Variants in DEPDC1B observed in about 807,000 individuals in gnomAD.
DEPDC1B encodes the protein DEP domain-containing protein 1B.
DEPDC1B carries 51 observed loss-of-function variants against 66.5 expected under a neutral mutation model. The observed-to-expected ratio is 0.77, with a 90% CI of 0.61 to 0.97. The LOEUF is 0.97. Ranked by LOEUF, DEPDC1B falls within the 50% of genes least tolerant of loss-of-function variation. DEPDC1B has a pLI of 0.00. For missense variants in DEPDC1B, 552 were observed against 637.1 expected (o/e 0.87, Z 1.44); for synonymous variants, 226 against 223.6 (o/e 1.01, Z -0.10).
At chr5:60,649,657 A>G (rs1343095530) in intron 2 of DEPDC1B, among the ~76,000 whole-genome samples, 1 of 152,228 alleles carries the variant, frequency 6.6e-6, no homozygotes, top group Non-Finnish European at 1.5e-5. Context: ...CAACTAATTT[A>G]AAAGCCTCAC....
Position 60,613,828 on chromosome 5 carries a change from G to GTGTGTGTGTGTGTGTGTA in DEPDC1B, c.899-7973_899-7972insTACACACACACACACACA, listed in dbSNP as rs3989094. Among the ~76,000 whole-genome samples, 214 of 144,480 alleles carry GTGTGTGTGTGTGTGTGTA rather than the reference G, an allele frequency of 1.5e-3. 2 individuals carry two copies. The highest frequency in any genetic ancestry group is 5.2e-3 in the African/African-American group (197 of 38,156). 94.8% of individuals were successfully genotyped at this position (144,480 alleles called of 152,430 possible). Reference sequence around the variant, plus strand: ...TGTGTGTGTGTGTGTGTGTGTGTGTGTATACATAAAAAACAGATGTAGGGT... The same window carrying GTGTGTGTGTGTGTGTGTA: ...TGTGTGTGTGTGTGTGTGTGTGTGTGTGTGTGTGTGTGTGTGTATATACATAAAAAACAGATGTAGGGT... On this transcript the variant is annotated intron_variant, in intron 7 of 10. Transcript: ENST00000265036.
chr5:60,685,624 C>T (rs1203841934), intron 2 of DEPDC1B, among the ~76,000 whole-genome samples: 2 of 152,064 alleles, frequency 1.3e-5, no homozygotes, highest in Non-Finnish European at 2.9e-5. Flanking sequence ...CCTCCTGGGA[C>T]TCGATGGGAG....
At chr5:60,647,991 A>G (rs1298971885) in intron 2 of DEPDC1B, 2 of 152,994 alleles carry the variant, frequency 1.3e-5, no homozygotes, top group African/African-American at 4.8e-5. Flanking sequence ...GAATTATAAA[A>G]TGTCTATAGT....
At chr5:60,602,071 A>G (rs536536192) in intron 9 of DEPDC1B, among the ~76,000 whole-genome samples, 3 of 150,232 alleles carry the variant, frequency 2.0e-5, no homozygotes, top group Non-Finnish European at 4.4e-5. Flanking sequence ...TGATGGGGGA[A>G]TTTTTTTCTC....
At chr5:60,644,960 T>TA (rs1303009668) in intron 4 of DEPDC1B, 85 bp from the exon 5 acceptor site, 1 of 1,091,448 alleles carries the variant, frequency 9.2e-7, no homozygotes, top group Non-Finnish European at 1.3e-6. Context: ...AATCAATCTT[T>TA]ATAATGCTTT....
intron 2 of DEPDC1B, among the ~76,000 whole-genome samples, chr5:60,682,355 G>A (rs1754314546): frequency 6.6e-6 from 1 of 152,126 alleles, no homozygotes; most frequent in Non-Finnish European, 1.5e-5. Flanking sequence ...TCACACACTG[G>A]GGCCTGTTGT....
chr5:60,636,996 T>C (rs905898789), intron 7 of DEPDC1B, among the ~76,000 whole-genome samples: 1 of 152,210 alleles, frequency 6.6e-6, no homozygotes, highest in South Asian at 2.1e-4. Context: ...TAAATATAAC[T>C]GATACAAATT....
intron 2 of DEPDC1B, among the ~76,000 whole-genome samples, chr5:60,685,832 A>G (rs1188412681): frequency 1.3e-5 from 2 of 152,208 alleles, no homozygotes; most frequent in Non-Finnish European, 2.9e-5. Flanking sequence ...ATTAAGTACT[A>G]AGGTCTCAGA....
intron 7 of DEPDC1B, among the ~76,000 whole-genome samples, chr5:60,626,907 C>T (rs962476710): frequency 6.6e-6 from 1 of 151,978 alleles, no homozygotes; most frequent in Non-Finnish European, 1.5e-5. Flanking sequence ...GTCTTCAGCA[C>T]ATGGGTGATC....
chr5:60,668,609 T>C (rs764811333), intron 2 of DEPDC1B, among the ~76,000 whole-genome samples: 16 of 151,906 alleles, frequency 1.1e-4, no homozygotes, highest in Non-Finnish European at 2.9e-5. Flanking sequence ...AATGAATCTA[T>C]AAGAAAAAAC....
intron 7 of DEPDC1B, among the ~76,000 whole-genome samples, chr5:60,616,800 C>G (rs896660606): frequency 3.3e-5 from 5 of 152,162 alleles, no homozygotes; most frequent in African/African-American, 1.2e-4. Context: ...CACAAAGATA[C>G]TCCTCAAGAA....
intron 7 of DEPDC1B, among the ~76,000 whole-genome samples, chr5:60,634,860 A>G (rs1009365313): frequency 4.0e-5 from 6 of 151,450 alleles, no homozygotes; most frequent in African/African-American, 1.5e-4. Flanking sequence ...GTAATTCAAC[A>G]TCCTTACCTT....
At chr5:60,699,675 C>T (rs184095413) in intron 1 of DEPDC1B, among the ~76,000 whole-genome samples, 72 of 152,242 alleles carry the variant, frequency 4.7e-4, no homozygotes, top group Non-Finnish European at 3.2e-4. Context: ...CTGCCGCGAA[C>T]GCTGAGCGTT....
intron 2 of DEPDC1B, among the ~76,000 whole-genome samples, chr5:60,654,584 T>C (rs1194206208): frequency 1.3e-5 from 2 of 148,926 alleles, no homozygotes; most frequent in Non-Finnish European, 2.9e-5. Flanking sequence ...CAGTGACAGT[T>C]TGACTTCCGC....
At chr5:60,642,946 C>G (rs2111869546) in intron 5 of DEPDC1B, 87 bp from the exon 6 acceptor site, 2 of 978,466 alleles carry the variant, frequency 2.0e-6, no homozygotes, top group Non-Finnish European at 3.1e-6. Flanking sequence ...TATTACTTGC[C>G]CAAGTAATAT....
At chr5:60,629,017 G>A (rs564811145) in intron 7 of DEPDC1B, among the ~76,000 whole-genome samples, 1 of 152,150 alleles carries the variant, frequency 6.6e-6, no homozygotes, top group South Asian at 2.1e-4. Context: ...CCGACTGAGG[G>A]GGTGCCATGG....
chr5:60,618,724 T>C (rs1752628877), intron 7 of DEPDC1B, among the ~76,000 whole-genome samples: 1 of 152,238 alleles, frequency 6.6e-6, no homozygotes, highest in African/African-American at 2.4e-5. Flanking sequence ...GAGGAGCTGG[T>C]ACCATTCCTT....
intron 2 of DEPDC1B, among the ~76,000 whole-genome samples, chr5:60,683,016 G>A (rs192204419): frequency 8.3e-4 from 126 of 152,250 alleles, no homozygotes; most frequent in African/African-American, 2.7e-3. Flanking sequence ...CAATGTCCCT[G>A]ATGAACATAG....
At chr5:60,629,957 A>C (rs957947855) in intron 7 of DEPDC1B, among the ~76,000 whole-genome samples, 3 of 152,208 alleles carry the variant, frequency 2.0e-5, no homozygotes, top group African/African-American at 7.2e-5. Flanking sequence ...CTTTATTGGC[A>C]GAATCATTTT....
Sources: gnomAD v4.1 joint callset for allele counts (sites outside exome capture counted in the v4.1 genomes callset) on GRCh38, gnomAD v4.1.1 for gene constraint, MANE v1.5 for transcripts, NCBI Gene and HGNC (gene_info 2026-07-23, HGNC 2026-07-21) for gene names.